Variants in ESRRG observed in about 807,000 individuals in gnomAD.
The protein encoded by ESRRG is estrogen related receptor gamma.
Under a neutral mutation model 44.0 loss-of-function variants are expected in ESRRG, and 13 were observed. The observed-to-expected ratio is 0.30, with a 90% CI of 0.19 to 0.47. The LOEUF is 0.47. Ranked by LOEUF, ESRRG falls within the 20% of genes least tolerant of loss-of-function variation. The pLI, the probability that ESRRG is intolerant of heterozygous loss-of-function variation, is 1.00. For missense variants in ESRRG, 395 were observed against 580.6 expected (o/e 0.68, Z 3.29); for synonymous variants, 215 against 214.6 (o/e 1.00, Z -0.02).
chr1:216,679,633 C>CTTT (rs369793478), intron 1 of ESRRG, among the ~76,000 whole-genome samples: 4 of 140,848 alleles, frequency 2.8e-5, no homozygotes, highest in Non-Finnish European at 6.1e-5. Context: ...TTTTTTTTTT[C>CTTT]TTTTTTTTTT....
chr1:216,912,190 G>A lies in ESRRG; in HGVS notation c.-14+27392C>T, dbSNP rs1353590549. 2.0e-3 allele frequency among the ~76,000 whole-genome samples: 15 copies of A among 7,682 alleles called. No individual in the cohort carries two copies. The East Asian group carries it at 0.033, about 17-fold the overall frequency. 5.0% of individuals were successfully genotyped at this position (7,682 alleles called of 152,430 possible). A position where few individuals can be genotyped will look rare whatever the true frequency, so the allele number is the denominator to read the frequency against. On this transcript the variant is annotated intron_variant, in intron 2 of 7. Transcript: ENST00000359162. ...GAAAAGAAAAGAAAAGAAAAGGAGAGGAGAGGAGAGGAGAGGAGAGGAGAG... is the reference window on the plus strand; with the variant it reads ...GAAAAGAAAAGAAAAGAAAAGGAGAAGAGAGGAGAGGAGAGGAGAGGAGAG...
intron 2 of ESRRG, among the ~76,000 whole-genome samples, chr1:216,767,032 A>G (rs1188099390): frequency 1.3e-5 from 2 of 152,138 alleles, no homozygotes; most frequent in African/African-American, 4.8e-5. Flanking sequence ...TGATCTTACA[A>G]TCATATAATC....
rs35043282 is a variant in ESRRG, at chr1:216,891,794, CTT to C, written c.-14+47786_-14+47787del. Reference sequence around the variant, plus strand: ...AAATATACTCTTAGTGTGGTGCCCGCTTTTTTTTTTTTTTTTTTTTTTTGAGA... The same window carrying C: ...AAATATACTCTTAGTGTGGTGCCCGCTTTTTTTTTTTTTTTTTTTTTGAGA... On this transcript the variant is annotated intron_variant, in intron 2 of 7. Transcript: ENST00000359162. Among the ~76,000 whole-genome samples the C allele has an allele frequency of 5.1e-3, 519 of 102,342 alleles. 1 individual carries two copies. The highest frequency in any genetic ancestry group is 0.021 in the African/African-American group (481 of 23,070). 67.1% of individuals were successfully genotyped at this position (102,342 alleles called of 152,430 possible). A position where few individuals can be genotyped will look rare whatever the true frequency, so the allele number is the denominator to read the frequency against.
At chr1:217,104,085 C>T (rs1406819209) in intron 1 of ESRRG, among the ~76,000 whole-genome samples, 1 of 152,192 alleles carries the variant, frequency 6.6e-6, no homozygotes, top group Non-Finnish European at 1.5e-5. Context: ...CCCAAAACAT[C>T]CTCTAATGTT....
At chr1:216,704,867 T>A (rs1430202197) in intron 1 of ESRRG, among the ~76,000 whole-genome samples, 1 of 152,180 alleles carries the variant, frequency 6.6e-6, no homozygotes, top group Non-Finnish European at 1.5e-5. Flanking sequence ...AAAATTTGAT[T>A]CAAGTCTGGA....
intron 2 of ESRRG, among the ~76,000 whole-genome samples, chr1:216,911,907 T>C (rs926671650): frequency 2.0e-5 from 3 of 151,502 alleles, no homozygotes; most frequent in Non-Finnish European, 4.4e-5. Flanking sequence ...CTGACTCTAT[T>C]AAAAACACAC....
rs2087664200 is a variant in ESRRG at position 217,058,611 on chromosome 1, G to C, written c.-106+30896C>G. On this transcript the variant is annotated intron_variant, in intron 1 of 7. Transcript: ENST00000359162. ...ATGAAGGAAGGTGGGACAACCATAT[G>C]CAAAAAATTGTTGTAATGTTTTCAA... Among the ~76,000 whole-genome samples, 4 of 152,074 alleles carry C rather than the reference G, an allele frequency of 2.6e-5. No individual in the cohort carries two copies. In the South Asian group the frequency reaches 8.3e-4, roughly 31 times the overall value.
At position 217,019,362 on chromosome 1, in the gene ESRRG, A is replaced by C. The variant is rs11572431; in HGVS notation, c.-106+70145T>G. On this transcript the variant is annotated intron_variant, in intron 1 of 7. Transcript: ENST00000359162. ...ACTTAGGTCCATAGAATTTTTCATA[A>C]AGGCATGACTTTCCCACCACTTCCA... is the stretch of plus-strand genomic sequence containing the variant. Among the ~76,000 whole-genome samples the C allele has an allele frequency of 3.3e-5, 5 of 152,186 alleles. No homozygotes were observed. In the East Asian group the frequency reaches 7.7e-4, roughly 23 times the overall value.
At chr1:216,515,384 A>G (rs1401703823) in intron 6 of ESRRG, among the ~76,000 whole-genome samples, 1 of 152,128 alleles carries the variant, frequency 6.6e-6, no homozygotes, top group African/African-American at 2.4e-5. Flanking sequence ...TAATGGAGTG[A>G]TAATGAAAAC....
At chr1:216,925,031 C>G (rs984774954) in intron 2 of ESRRG, among the ~76,000 whole-genome samples, 4 of 152,106 alleles carry the variant, frequency 2.6e-5, no homozygotes, top group African/African-American at 4.8e-5. Context: ...TGAAACAGGT[C>G]CCTTTTCTGA....
intron 3 of ESRRG, among the ~76,000 whole-genome samples, chr1:216,591,491 A>G (rs925091979): frequency 2.3e-4 from 35 of 152,196 alleles, no homozygotes; most frequent in African/African-American, 8.0e-4. Context: ...GTGCCTAGAG[A>G]ATCAGAGAAC....
At chr1:217,119,781 A>G (rs2092795030) in intron 1 of ESRRG, among the ~76,000 whole-genome samples, 1 of 152,220 alleles carries the variant, frequency 6.6e-6, no homozygotes, top group Non-Finnish European at 1.5e-5. Context: ...TTGTGTCATA[A>G]TGTAACTTCT....
chr1:216,681,718 A>T (rs1178817601), intron 1 of ESRRG, among the ~76,000 whole-genome samples: 1 of 152,208 alleles, frequency 6.6e-6, no homozygotes, highest in Non-Finnish European at 1.5e-5. Flanking sequence ...CACTATTTAA[A>T]GAAGTAATTT....
chr1:216,909,279 A>T lies in ESRRG; in HGVS notation c.-14+30303T>A, dbSNP rs181356352. Reference sequence around the variant, plus strand: ...TCAAAAGCACATGCAATTTAGATTCACAAAATTTCAGTTTTCACCAAGACC... The same window carrying T: ...TCAAAAGCACATGCAATTTAGATTCTCAAAATTTCAGTTTTCACCAAGACC... On this transcript the variant is annotated intron_variant, in intron 2 of 7. Transcript: ENST00000359162. 7.9e-5 allele frequency among the ~76,000 whole-genome samples: 12 copies of T among 152,322 alleles called. No homozygotes were observed. In the East Asian group the frequency reaches 2.1e-3, roughly 27 times the overall value.
At chr1:216,976,946 G>T (rs1008051720) in intron 1 of ESRRG, among the ~76,000 whole-genome samples, 4 of 152,110 alleles carry the variant, frequency 2.6e-5, no homozygotes, top group Non-Finnish European at 5.9e-5. Flanking sequence ...AATTATAGTG[G>T]ACACCACAGT....
intron 3 of ESRRG, among the ~76,000 whole-genome samples, chr1:216,601,256 C>T (rs2059201615): frequency 6.6e-6 from 1 of 152,040 alleles, no homozygotes; most frequent in Admixed American, 6.5e-5. Flanking sequence ...CGTCGGACCG[C>T]GCCCACCCCT....
At chr1:216,728,487 T>C in intron 2 of ESRRG, among the ~76,000 whole-genome samples, 1 of 150,784 alleles carries the variant, frequency 6.6e-6, no homozygotes, top group Non-Finnish European at 1.5e-5. Flanking sequence ...AAGGGTAGCT[T>C]AACTCTGAGA....
chr1:216,823,239 A>C (rs1424212517), intron 2 of ESRRG, among the ~76,000 whole-genome samples: 1 of 152,152 alleles, frequency 6.6e-6, no homozygotes, highest in African/African-American at 2.4e-5. Context: ...GACTGGATGC[A>C]AAGACCTCTT....
chr1:216,869,579 A>G (rs2096229895), intron 2 of ESRRG, among the ~76,000 whole-genome samples: 1 of 152,104 alleles, frequency 6.6e-6, no homozygotes, highest in South Asian at 2.1e-4. Flanking sequence ...TATGTCCACA[A>G]GAACATCCGC....
Sources: gnomAD v4.1 joint callset for allele counts (sites outside exome capture counted in the v4.1 genomes callset) on GRCh38, gnomAD v4.1.1 for gene constraint, MANE v1.5 for transcripts, NCBI Gene and HGNC (gene_info 2026-07-23, HGNC 2026-07-21) for gene names.